The following KIRREL3 variants were observed in gnomAD, a reference collection of about 807,000 sequenced individuals.
The protein encoded by KIRREL3 is kirre like nephrin family adhesion molecule 3.
A neutral mutation model predicts 89.7 loss-of-function variants in KIRREL3; 36 were observed. The observed-to-expected ratio is 0.40, with a 90% CI of 0.31 to 0.53. The LOEUF (loss-of-function observed/expected upper bound fraction) is 0.53. Among genes scored for constraint, KIRREL3 ranks in the 20% least tolerant of loss-of-function variants. The pLI is 0.49. For synonymous variants in KIRREL3, 445 were observed against 441.4 expected, an observed-to-expected ratio of 1.01 and a Z score of -0.10; for missense variants, 864 against 1,056.6, an observed-to-expected ratio of 0.82 and a Z score of 2.53.
At chr11:126,617,864 C>T (rs1943415723) in intron 1 of KIRREL3, among the ~76,000 whole-genome samples, 1 of 152,226 alleles carries the variant, frequency 6.6e-6, no homozygotes, top group African/African-American at 2.4e-5. Context: ...TCTTTCTACT[C>T]TGTGACATGA....
At chr11:126,737,936 C>T (rs1948858593) in intron 1 of KIRREL3, among the ~76,000 whole-genome samples, 1 of 152,182 alleles carries the variant, frequency 6.6e-6, no homozygotes, top group African/African-American at 2.4e-5. Flanking sequence ...TACAGTCACC[C>T]TGTGGTACTA....
rs1283796835 is a variant in KIRREL3, at chr11:126,570,953, A to G, written c.56-8041T>C. On this transcript the variant is annotated intron_variant, in intron 1 of 16. Transcript: ENST00000525144. This position sits in a 1 kb window ranked among gnomAD's most constrained non-coding sequence, Gnocchi z 6.1. Reference sequence around the variant, plus strand: ...TTTTCTCATCTCGTTTCACCCTCACAACACCTTTATGATCACAGGTGTTAT... The same window carrying G: ...TTTTCTCATCTCGTTTCACCCTCACGACACCTTTATGATCACAGGTGTTAT... Among the ~76,000 whole-genome samples the G allele has an allele frequency of 1.3e-5, 2 of 152,192 alleles. No homozygotes were observed. The highest frequency in any genetic ancestry group is 2.9e-5 in the Non-Finnish European group (2 of 68,042).
rs1431565689 is a variant in KIRREL3 at position 126,601,074 on chromosome 11, C to T, written c.56-38162G>A. ...AGCGAAATTTAAAACCCTTTGTCCC[C>T]CGTCCTCCCAGCCCCCCGATGTTCC... On this transcript the variant is annotated intron_variant, in intron 1 of 16. Coordinates refer to ENST00000525144, the MANE Select transcript of KIRREL3 (RefSeq NM_032531.4). The surrounding 1 kb of genome is among the most constrained non-coding windows in gnomAD (Gnocchi z 5.8). Among the ~76,000 whole-genome samples, 2 of 151,740 alleles carry T rather than the reference C, an allele frequency of 1.3e-5. No individual in the cohort carries two copies. Among genetic ancestry groups the T allele is most frequent in the African/African-American group, 2.4e-5 (1 of 41,282 alleles).
rs1353679688 is a variant in KIRREL3, at chr11:126,923,230, T to C, written c.55+77225A>G. Among the ~76,000 whole-genome samples, 83 of 44,150 alleles carry C rather than the reference T, an allele frequency of 1.9e-3. 11 individuals carry two copies. The East Asian group carries it at 0.025, about 13-fold the overall frequency. The allele number at this position is 44,150 out of a possible 152,430, so 29.0% of individuals were successfully genotyped here. On this transcript the variant is annotated intron_variant, in intron 1 of 16. Transcript: ENST00000525144. ...TTCTTCTTCTTCTTCTTCTTCTTCTTCTTCTTCTTCTTCTTCTTCTTCTTC... is the reference window on the plus strand; with the variant it reads ...TTCTTCTTCTTCTTCTTCTTCTTCTCCTTCTTCTTCTTCTTCTTCTTCTTC...
chr11:126,600,707 G>T (rs932008361), intron 1 of KIRREL3, among the ~76,000 whole-genome samples: 3 of 152,122 alleles, frequency 2.0e-5, no homozygotes, highest in Non-Finnish European at 4.4e-5. Flanking sequence ...GATGATTCCT[G>T]GTTTCTACTA....
At chr11:126,757,431 A>T (rs894734917) in intron 1 of KIRREL3, among the ~76,000 whole-genome samples, 1 of 152,162 alleles carries the variant, frequency 6.6e-6, no homozygotes, top group African/African-American at 2.4e-5. Flanking sequence ...AGAAAAAGAA[A>T]ATCTTTGGGC....
intron 1 of KIRREL3, among the ~76,000 whole-genome samples, chr11:126,962,889 G>T (rs1251787685): frequency 6.6e-6 from 1 of 152,134 alleles, no homozygotes; most frequent in African/African-American, 2.4e-5. Context: ...ATTATAACTC[G>T]TTAAAGGCTC....
In KIRREL3 at chr11:126,606,652, C is replaced by T. The variant is rs2134771629; in HGVS notation, c.56-43740G>A. ...TTCCAGGGAGGGAACCGGAGGACTC[C>T]AGTCAGTTTCCAAGCTGCATAACTT... On this transcript the variant is annotated intron_variant, in intron 1 of 16. Coordinates refer to ENST00000525144, the MANE Select transcript of KIRREL3 (RefSeq NM_032531.4). The surrounding 1 kb of genome is among the most constrained non-coding windows in gnomAD (Gnocchi z 4.6). Among the ~76,000 whole-genome samples, 1 of 152,168 alleles carries T rather than the reference C, an allele frequency of 6.6e-6. No individual in the cohort carries two copies. Among genetic ancestry groups the T allele is most frequent in the East Asian group, 1.9e-4 (1 of 5,174 alleles).
rs1275428838 is a variant in KIRREL3, at chr11:126,773,515, G to A, written c.56-210603C>T. On this transcript the variant is annotated intron_variant, in intron 1 of 16. Coordinates refer to ENST00000525144, the MANE Select transcript of KIRREL3 (RefSeq NM_032531.4). This position sits in a 1 kb window ranked among gnomAD's most constrained non-coding sequence, Gnocchi z 4.2. Reference sequence around the variant, plus strand: ...ATAAATCTGTCTTTCTCTATATATCGCTTCCTGTTGGTTCTGTTTCTCTGG... The same window carrying A: ...ATAAATCTGTCTTTCTCTATATATCACTTCCTGTTGGTTCTGTTTCTCTGG... Among the ~76,000 whole-genome samples, 5 of 152,106 alleles carry A rather than the reference G, an allele frequency of 3.3e-5. No individual in the cohort carries two copies. Among genetic ancestry groups the A allele is most frequent in the Admixed American group, 1.3e-4 (2 of 15,272 alleles).
At chr11:126,440,750 G>A (rs1402134405) in intron 10 of KIRREL3, 6 of 616,552 alleles carry the variant, frequency 9.7e-6, no homozygotes, top group South Asian at 1.9e-5. Context: ...AAGGGATCAT[G>A]AGCGAATGCT....
chr11:126,938,685 T>G (rs1295815190), intron 1 of KIRREL3, among the ~76,000 whole-genome samples: 4 of 152,246 alleles, frequency 2.6e-5, no homozygotes, highest in African/African-American at 9.6e-5. Context: ...GTGTTCCAAC[T>G]GTCATACTCT....
At chr11:126,604,982 G>C (rs1241385667) in intron 1 of KIRREL3, among the ~76,000 whole-genome samples, 2 of 152,238 alleles carry the variant, frequency 1.3e-5, no homozygotes, top group Non-Finnish European at 2.9e-5. Context: ...ATATGTAAAA[G>C]TGCATTGTAA....
chr11:126,525,721 T>C lies in KIRREL3; in HGVS notation c.283+817A>G, dbSNP rs1958729378. On this transcript the variant is annotated intron_variant, in intron 3 of 16. Coordinates refer to ENST00000525144, the MANE Select transcript of KIRREL3 (RefSeq NM_032531.4). This position sits in a 1 kb window ranked among gnomAD's most constrained non-coding sequence, Gnocchi z 5.4. ...AGAGGTCCCTGCTTGTGAATTTTAC[T>C]GTGTACGCCAAGCCTAGCAAACAAC... Among the ~76,000 whole-genome samples, 1 of 152,156 alleles carries C rather than the reference T, an allele frequency of 6.6e-6. No homozygotes were observed. The highest frequency in any genetic ancestry group is 2.4e-5 in the African/African-American group (1 of 41,428).
intron 1 of KIRREL3, among the ~76,000 whole-genome samples, chr11:126,922,343 C>T (rs922608771): frequency 6.6e-6 from 1 of 152,112 alleles, no homozygotes; most frequent in African/African-American, 2.4e-5. Context: ...ACCTTCTCCA[C>T]TTTATAAACT....
At chr11:126,925,507 C>A (rs1407778397) in intron 1 of KIRREL3, among the ~76,000 whole-genome samples, 4 of 152,208 alleles carry the variant, frequency 2.6e-5, no homozygotes, top group Non-Finnish European at 4.4e-5. Context: ...CAGGTTCGAG[C>A]TGAGCTCAGT....
intron 1 of KIRREL3, among the ~76,000 whole-genome samples, chr11:126,673,427 G>A (rs982404916): frequency 6.6e-6 from 1 of 152,232 alleles, no homozygotes; most frequent in African/African-American, 2.4e-5. Flanking sequence ...AGCAGCTCTG[G>A]AAATTGGATC....
intron 2 of KIRREL3, among the ~76,000 whole-genome samples, chr11:126,548,230 G>C (rs1938971708): frequency 6.6e-6 from 1 of 152,156 alleles, no homozygotes; most frequent in Non-Finnish European, 1.5e-5. Context: ...TGGACCTGAA[G>C]TTCTCTGCAG....
At position 126,623,555 on chromosome 11, in the gene KIRREL3, G is replaced by C. The variant is rs1221858665; in HGVS notation, c.56-60643C>G. On this transcript the variant is annotated intron_variant, in intron 1 of 16. Transcript: ENST00000525144. This position sits in a 1 kb window ranked among gnomAD's most constrained non-coding sequence, Gnocchi z 4.1. ...ACGTCTGTGTGAATCTTGCATGATG[G>C]AAGAGGAAACCAGGTAAGAGTGAGC... 2.0e-5 allele frequency among the ~76,000 whole-genome samples: 3 copies of C among 152,100 alleles called. No individual in the cohort carries two copies. The highest frequency in any genetic ancestry group is 6.6e-5 in the Admixed American group (1 of 15,262).
At chr11:126,950,081 T>C (rs2135143782) in intron 1 of KIRREL3, among the ~76,000 whole-genome samples, 1 of 152,262 alleles carries the variant, frequency 6.6e-6, no homozygotes, top group Non-Finnish European at 1.5e-5. Context: ...ACCCTTAAAA[T>C]ATGCAAGGAT....
Sources: allele counts gnomAD v4.1 joint callset (sites outside exome capture counted in the v4.1 genomes callset), GRCh38; gene constraint gnomAD v4.1.1; non-coding constraint Gnocchi (gnomAD v3.1); transcripts MANE v1.5; gene names NCBI Gene and HGNC (gene_info 2026-07-23, HGNC 2026-07-21).